ANO4: variants seen among roughly 807,000 people sequenced by gnomAD.
ANO4 encodes anoctamin-4.
In ANO4, 69 loss-of-function variants were observed where a neutral mutation model predicts 141.9. That is an observed-to-expected ratio of 0.49 (90% CI 0.40 to 0.59). The LOEUF is 0.59. Among genes scored for constraint, ANO4 ranks in the 20% least tolerant of loss-of-function variants. ANO4 has a pLI of 0.00. For missense variants in ANO4, 894 were observed against 1,162.2 expected (o/e 0.77, Z 3.36); for synonymous variants, 350 against 394.3 (o/e 0.89, Z 1.33).
At chr12:100,740,103 C>T (rs548107747) in exon 3 of ANO4, 6 of 702,346 alleles carry the variant, frequency 8.5e-6, no homozygotes, top group Non-Finnish European at 1.6e-5. Context: ...CAAGACACAA[C>T]AGGTAAGTGT....
chr12:101,049,146 A>G (rs758466908), intron 14 of ANO4, among the ~76,000 whole-genome samples: 1 of 152,224 alleles, frequency 6.6e-6, no homozygotes, highest in Non-Finnish European at 1.5e-5. Flanking sequence ...AGGAGAGACA[A>G]ACTTTATGCT....
At chr12:100,952,877 A>G (rs1167304700) in intron 5 of ANO4, among the ~76,000 whole-genome samples, 2 of 152,230 alleles carry the variant, frequency 1.3e-5, no homozygotes, top group African/African-American at 4.8e-5. Context: ...TGACCTGTAC[A>G]AAGTTATCTT....
intron 1 of ANO4, among the ~76,000 whole-genome samples, chr12:100,722,822 C>T (rs1318626090): frequency 2.0e-5 from 3 of 152,048 alleles, no homozygotes; most frequent in African/African-American, 7.3e-5. Context: ...ACTCCTTTTT[C>T]CTATTGCAAA....
At chr12:101,063,506 A>G (rs1219166575) in intron 14 of ANO4, among the ~76,000 whole-genome samples, 1 of 152,028 alleles carries the variant, frequency 6.6e-6, no homozygotes, top group South Asian at 2.1e-4. Flanking sequence ...ATCTATCTTC[A>G]TGAGGGTTAT....
intron 14 of ANO4, chr12:101,069,074 T>G (rs2048708617): frequency 2.0e-6 from 2 of 999,584 alleles, no homozygotes; most frequent in South Asian, 2.5e-5. Context: ...GAAATTTGAA[T>G]AGCTTTCCAA....
At chr12:100,843,987 CTTCATTCATTCATTCA>C (rs371132889) in intron 1 of ANO4, among the ~76,000 whole-genome samples, 2 of 151,852 alleles carry the variant, frequency 1.3e-5, no homozygotes, top group African/African-American at 4.8e-5. Flanking sequence ...GATGGCTGTG[CTTCATTCATTCATTCA>C]TTCATTCATT....
chr12:100,795,966 C>T (rs140719469), intron 1 of ANO4, among the ~76,000 whole-genome samples: 9 of 151,780 alleles, frequency 5.9e-5, no homozygotes, highest in East Asian at 3.9e-4. Context: ...AGCTTCTTGA[C>T]GCCCAAAGGA....
chr12:101,085,591 T>A (rs1479310409), intron 16 of ANO4, among the ~76,000 whole-genome samples: 1 of 152,148 alleles, frequency 6.6e-6, no homozygotes, highest in Non-Finnish European at 1.5e-5. Flanking sequence ...TGGATTTTGG[T>A]ATCATGGTGT....
chr12:100,966,171 G>A (rs2136250203), intron 5 of ANO4, among the ~76,000 whole-genome samples: 1 of 152,296 alleles, frequency 6.6e-6, no homozygotes, highest in East Asian at 1.9e-4. Context: ...GTTATAATTT[G>A]AGTGAGTAGG....
At chr12:100,809,946 T>G (rs763201467) in intron 1 of ANO4, among the ~76,000 whole-genome samples, 7 of 152,088 alleles carry the variant, frequency 4.6e-5, no homozygotes, top group Non-Finnish European at 1.0e-4. Context: ...CATTCAACAA[T>G]CATTTATTAG....
chr12:101,020,029 T>C lies in ANO4; in HGVS notation c.735-5T>C, dbSNP rs2136490388. On this transcript the variant is annotated splice_region_variant and splice_polypyrimidine_tract_variant and intron_variant, in intron 8 of 27. Transcript: ENST00000392977. ...TCAACTTGTATTTTTAATATATGTATGCAGCTTCATCATACACAACAAAGA... is the reference window on the plus strand; with the variant it reads ...TCAACTTGTATTTTTAATATATGTACGCAGCTTCATCATACACAACAAAGA... 6.2e-7 allele frequency: 1 copy of C among 1,602,300 alleles called. No individual in the cohort carries two copies. Among genetic ancestry groups the C allele is most frequent in the Non-Finnish European group, 8.5e-7 (1 of 1,169,930 alleles).
intron 1 of ANO4, among the ~76,000 whole-genome samples, chr12:100,729,360 C>CAAAAAA (rs1156522144): frequency 0.043 from 981 of 22,564 alleles, 132 homozygotes; most frequent in Non-Finnish European, 0.058. Context: ...AACTCTGTCT[C>CAAAAAA]AAAAAAAAAA....
intron 8 of ANO4, among the ~76,000 whole-genome samples, chr12:101,006,397 G>A (rs1446129282): frequency 6.6e-6 from 1 of 152,132 alleles, no homozygotes; most frequent in African/African-American, 2.4e-5. Context: ...CCCAAAATTT[G>A]ACTATTGCTT....
chr12:101,043,463 A>T, intron 12 of ANO4, 76 bp from the exon 13 acceptor site: 1 of 1,019,974 alleles, frequency 9.8e-7, no homozygotes, highest in Non-Finnish European at 1.5e-6. Context: ...CTTATTTACT[A>T]GTTGAACATT....
chr12:100,982,749 A>T (rs2136315575), intron 7 of ANO4, among the ~76,000 whole-genome samples: 1 of 152,360 alleles, frequency 6.6e-6, no homozygotes, highest in South Asian at 2.1e-4. Flanking sequence ...ATCAGCTTCC[A>T]GCTGACTCCA....
chr12:100,792,152 A>G (rs1565877898), upstream of ANO4, among the ~76,000 whole-genome samples: 1 of 151,900 alleles, frequency 6.6e-6, no homozygotes, highest in East Asian at 1.9e-4. Context: ...CTTCCCATGA[A>G]CTGTGTCTAC....
chr12:101,081,655 C>T (rs1466283611), intron 15 of ANO4, among the ~76,000 whole-genome samples: 6 of 152,218 alleles, frequency 3.9e-5, no homozygotes, highest in African/African-American at 1.4e-4. Context: ...GCTGCCATAA[C>T]AAAGTACCAC....
intron 2 of ANO4, among the ~76,000 whole-genome samples, chr12:100,902,063 G>A (rs1347072969): frequency 6.6e-6 from 1 of 152,200 alleles, no homozygotes; most frequent in African/African-American, 2.4e-5. Context: ...GAGGCTATGT[G>A]CACAGTGGTA....
chr12:100,986,584 GA>G (rs1209642646), intron 7 of ANO4, among the ~76,000 whole-genome samples: 1 of 152,116 alleles, frequency 6.6e-6, no homozygotes, highest in Non-Finnish European at 1.5e-5. Flanking sequence ...AACATTCACT[GA>G]AAAGAATACA....
Sources: allele counts gnomAD v4.1 joint callset (sites outside exome capture counted in the v4.1 genomes callset), GRCh38; gene constraint gnomAD v4.1.1; transcripts MANE v1.5; gene names NCBI Gene and HGNC (gene_info 2026-07-23, HGNC 2026-07-21).